The following TLE4 variants were observed in gnomAD, a reference collection of about 807,000 sequenced individuals.
TLE4 encodes the protein transducin-like enhancer protein 4.
TLE4 carries 8 observed loss-of-function variants against 92.8 expected under a neutral mutation model. That is an observed-to-expected ratio of 0.09 (90% CI 0.05 to 0.16). TLE4 has a LOEUF of 0.16. Among genes scored for constraint, TLE4 ranks in the 10% least tolerant of loss-of-function variants. The pLI is 1.00. For synonymous variants in TLE4, 371 were observed against 374.1 expected, an observed-to-expected ratio of 0.99 and a Z score of 0.10; for missense variants, 675 against 997.6, an observed-to-expected ratio of 0.68 and a Z score of 4.36.
intron 4 of TLE4, among the ~76,000 whole-genome samples, chr9:79,611,643 T>G (rs2048380942): frequency 6.6e-6 from 1 of 152,040 alleles, no homozygotes; most frequent in African/African-American, 2.4e-5. Context: ...CTTTCAATTC[T>G]TCTTAGCTCT....
intron 8 of TLE4, 192 bp from the exon 9 acceptor site, chr9:79,704,591 T>C (rs2070971938): frequency 1.6e-6 from 1 of 644,672 alleles, no homozygotes; most frequent in African/African-American, 1.9e-5. Context: ...CCCTTGTCTT[T>C]TGCTACTTGT....
chr9:79,671,553 G>A, intron 8 of TLE4: 1 of 253,370 alleles, frequency 3.9e-6, no homozygotes, highest in East Asian at 8.0e-5. Flanking sequence ...TTGTCGAGCA[G>A]GAGAGACTCT....
chr9:79,683,633 T>C (rs913635036), intron 8 of TLE4, among the ~76,000 whole-genome samples: 6 of 152,230 alleles, frequency 3.9e-5, no homozygotes, highest in African/African-American at 1.4e-4. Flanking sequence ...ATCTTGCCTT[T>C]TAATCCATGA....
intron 5 of TLE4, among the ~76,000 whole-genome samples, chr9:79,614,481 T>C (rs544387953): frequency 1.3e-5 from 2 of 152,254 alleles, no homozygotes; most frequent in Non-Finnish European, 2.9e-5. Context: ...ATAATGGTAG[T>C]GGTGCTGAGC....
intron 6 of TLE4, among the ~76,000 whole-genome samples, 163 bp from the exon 7 acceptor site, chr9:79,652,430 G>C (rs1008439048): frequency 3.9e-5 from 6 of 152,018 alleles, no homozygotes; most frequent in African/African-American, 1.4e-4. Flanking sequence ...CTCGTGATCC[G>C]CCTGCCTCGG....
rs748248201 is a variant in TLE4 at position 79,718,936 on chromosome 9, G to T, written c.1555G>T (p.Gly519Cys). 1.2e-6 allele frequency: 2 copies of T among 1,613,240 alleles called. No homozygotes were observed. Among genetic ancestry groups the T allele is most frequent in the Non-Finnish European group, 1.7e-6 (2 of 1,179,270 alleles). ...CVKVWDISHP[G>C]NKSPVSQLDC... Reference sequence around the variant, plus strand: ...CAAGGTCTGGGACATCAGCCACCCAGGCAATAAGAGTCCTGTCTCCCAGCT... The same window carrying T: ...CAAGGTCTGGGACATCAGCCACCCATGCAATAAGAGTCCTGTCTCCCAGCT... The change falls in exon 15 of 20, where the codon GGC (glycine) becomes TGC (cysteine). Residue 519 changes from glycine to cysteine, a missense_variant. Physicochemically the swap from Gly to Cys is radical, Grantham distance 159. Around this residue, in one of 5 missense-constraint regions of TLE4, gnomAD observed 170 missense variants for 359.6 expected, o/e 0.47. Transcript: ENST00000376552.
At chr9:79,710,450 G>T (rs1215679860) in intron 14 of TLE4, among the ~76,000 whole-genome samples, 4 of 152,138 alleles carry the variant, frequency 2.6e-5, no homozygotes, top group Non-Finnish European at 5.9e-5. Context: ...TTAGTCACCT[G>T]TGTGTGTGCA....
rs374968088 is a variant in TLE4 at position 79,626,893 on chromosome 9, A to G, written c.316-481A>G. Reference sequence around the variant, plus strand: ...TTGCACATTTCCAGAAGAAATATGTATGTTGCATTATGTATGTCCTTCCGG... The same window carrying G: ...TTGCACATTTCCAGAAGAAATATGTGTGTTGCATTATGTATGTCCTTCCGG... On this transcript the variant is annotated intron_variant, in intron 5 of 19. Transcript: ENST00000376552. Among the ~76,000 whole-genome samples the G allele has an allele frequency of 5.1e-4, 78 of 152,322 alleles. 1 individual carries two copies. The Middle Eastern group carries it at 0.017, about 33-fold the overall frequency.
intron 6 of TLE4, among the ~76,000 whole-genome samples, chr9:79,629,665 A>T (rs1210049263): frequency 6.6e-6 from 1 of 152,194 alleles, no homozygotes; most frequent in Non-Finnish European, 1.5e-5. Flanking sequence ...TGAGCAGAAA[A>T]TGGAGTCGGA....
At chr9:79,651,654 C>T (rs1300345292) in intron 6 of TLE4, among the ~76,000 whole-genome samples, 1 of 152,174 alleles carries the variant, frequency 6.6e-6, no homozygotes, top group East Asian at 1.9e-4. Context: ...TTGAGCAAGC[C>T]TACAGGAGGA....
intron 4 of TLE4, among the ~76,000 whole-genome samples, chr9:79,598,109 C>A (rs1279221234): frequency 6.7e-6 from 1 of 148,806 alleles, no homozygotes; most frequent in Non-Finnish European, 1.5e-5. Context: ...CTTACCCAGG[C>A]GTGGTGGCAT....
chr9:79,709,807 T>G, intron 14 of TLE4, 108 bp downstream of exon 14: 2 of 812,798 alleles, frequency 2.5e-6, no homozygotes. Context: ...TCCCATGACT[T>G]GTATTTTTTT....
intron 11 of TLE4, 49 bp downstream of exon 11, chr9:79,706,948 T>C (rs773426070): frequency 6.3e-7 from 1 of 1,588,862 alleles, no homozygotes; most frequent in African/African-American, 1.4e-5. Context: ...GCCAATTTGA[T>C]GTTTGAATTT....
intron 6 of TLE4, among the ~76,000 whole-genome samples, chr9:79,643,832 T>G (rs2057616737): frequency 6.6e-6 from 1 of 152,176 alleles, no homozygotes; most frequent in African/African-American, 2.4e-5. Context: ...GTTAATACAT[T>G]TGACATGGTA....
At chr9:79,675,268 C>G (rs1319043391) in intron 8 of TLE4, among the ~76,000 whole-genome samples, 3 of 152,124 alleles carry the variant, frequency 2.0e-5, no homozygotes, top group African/African-American at 7.2e-5. Context: ...GTTTTCCTTT[C>G]CAGTATTCCA....
intron 6 of TLE4, among the ~76,000 whole-genome samples, chr9:79,628,873 AGTGTGTGT>A (rs34212290): frequency 1.1e-3 from 164 of 148,094 alleles, no homozygotes; most frequent in African/African-American, 1.7e-3. Context: ...TTTAAAGTTA[AGTGTGTGT>A]GTGTGTGTGT....
intron 8 of TLE4, among the ~76,000 whole-genome samples, chr9:79,659,881 A>C (rs909216631): frequency 3.3e-5 from 5 of 152,218 alleles, no homozygotes; most frequent in Non-Finnish European, 7.3e-5. Context: ...TATTTCAAAT[A>C]CATCATAGCC....
chr9:79,585,481 C>G (rs1385684243), intron 4 of TLE4, among the ~76,000 whole-genome samples: 1 of 152,220 alleles, frequency 6.6e-6, no homozygotes, highest in Non-Finnish European at 1.5e-5. Context: ...GCCTCAGATT[C>G]TAGTTCTGGC....
intron 4 of TLE4, among the ~76,000 whole-genome samples, chr9:79,592,221 CTTCTTCTT>C (rs1161060565): frequency 3.2e-5 from 4 of 125,148 alleles, no homozygotes; most frequent in Admixed American, 1.5e-4. Context: ...TCTTCCTCTT[CTTCTTCTT>C]CTTCTTCCTT....
Sources: allele counts gnomAD v4.1 joint callset (sites outside exome capture counted in the v4.1 genomes callset), GRCh38; gene constraint gnomAD v4.1.1; regional missense constraint gnomAD v4.1.1; transcripts MANE v1.5; gene names NCBI Gene and HGNC (gene_info 2026-07-23, HGNC 2026-07-21).